Variants in PSG11 observed in about 807,000 individuals in gnomAD.
PSG11 encodes the protein pregnancy-specific beta-1-glycoprotein 11.
In PSG11, 42 loss-of-function variants were observed where a neutral mutation model predicts 36.0. That is an observed-to-expected ratio of 1.17 (90% CI 0.91 to 1.51). The LOEUF (loss-of-function observed/expected upper bound fraction) is 1.51. Among genes scored for constraint, PSG11 ranks in the 40% most tolerant of loss-of-function variants. PSG11 has a pLI of 0.00. For missense variants in PSG11, 558 were observed against 403.5 expected, an observed-to-expected ratio of 1.38 and a Z score of -3.28; for synonymous variants, 206 against 153.5, an observed-to-expected ratio of 1.34 and a Z score of -2.53.
rs185878952 is a variant in PSG11, at chr19:43,018,252, C to T, written c.709+518G>A. ...TTGTGCTGATTGCTGGAACTTCCCA[C>T]CAATCAGCCAAGAATGCTCTGCCAG... On this transcript the variant is annotated intron_variant, in intron 3 of 5. Transcript: ENST00000320078. 4.1e-4 allele frequency: 74 copies of T among 180,436 alleles called. 7 individuals carry two copies. In the East Asian group the frequency reaches 8.8e-3, roughly 21 times the overall value. The allele number at this position is 180,436 out of a possible 1,614,324, so 11.2% of individuals were successfully genotyped here.
chr19:43,024,843 G>C lies in PSG11; in HGVS notation c.278C>G (p.Pro93Arg). ...TACTGTTTCTCGTCCACTGTATGCC[G>C]GTCCATATATAATTATTTGACCGTC... ...VVDGQIIIYGPAYSGRETVYS... is the reference protein window; with the variant it reads ...VVDGQIIIYGRAYSGRETVYS... The change falls in exon 2 of 6, where the codon CCG (proline) becomes CGG (arginine). Residue 93 changes from proline (P) to arginine (R), a missense_variant. Coordinates refer to ENST00000320078, the MANE Select transcript of PSG11 (RefSeq NM_002785.3). 1.9e-6 allele frequency: 3 copies of C among 1,611,848 alleles called. No individual in the cohort carries two copies. Among genetic ancestry groups the C allele is most frequent in the Non-Finnish European group, 2.5e-6 (3 of 1,179,102 alleles).
rs769055942 is a variant in PSG11 at position 43,009,961 on chromosome 19, C to A, written c.*37G>T. On this transcript the variant is annotated 3_prime_UTR_variant, in exon 5 of 6. Transcript: ENST00000320078. Reference sequence around the variant, plus strand: ...ATAAGAGAAAAGGTCATCATACCTGCCAGTCTTCCTGAAATACAAAAATGA... The same window carrying A: ...ATAAGAGAAAAGGTCATCATACCTGACAGTCTTCCTGAAATACAAAAATGA... The A allele has an allele frequency of 3.2e-6, 5 of 1,581,606 alleles. No individual in the cohort carries two copies. Among genetic ancestry groups the A allele is most frequent in the Non-Finnish European group, 4.3e-6 (5 of 1,152,018 alleles).
chr19:43,010,417 A>G (rs1974043923), intron 4 of PSG11: 5 of 1,529,732 alleles, frequency 3.3e-6, no homozygotes, highest in Admixed American at 1.9e-5. Flanking sequence ...TCAGATCTCC[A>G]TGGCAGGGAC....
chr19:43,010,346 CT>C, intron 4 of PSG11: 1 of 1,524,480 alleles, frequency 6.6e-7, no homozygotes, highest in Admixed American at 2.2e-5. Flanking sequence ...ACCTTTGCAC[CT>C]TTTCATGGTT....
intron 5 of PSG11, among the ~76,000 whole-genome samples, chr19:43,009,062 T>A (rs564669801): frequency 6.6e-6 from 1 of 151,378 alleles, no homozygotes; most frequent in Non-Finnish European, 1.5e-5. Context: ...ATTCAATTTT[T>A]TCTATTTTGG....
At position 43,010,303 on chromosome 19, in the gene PSG11, T is replaced by G. The variant is rs559922958; in HGVS notation, c.965-262A>C. ...GAAGGCTTTCAGACGTGAGAAAGGC[T>G]GATTGCTATTTTCTATGTCATTGGA... On this transcript the variant is annotated intron_variant, in intron 4 of 5. Transcript: ENST00000320078. The G allele has an allele frequency of 8.1e-5, 121 of 1,497,598 alleles. 5 individuals are homozygous for G. The African/African-American group carries it at 1.6e-3, about 20-fold the overall frequency. The allele number at this position is 1,497,598 out of a possible 1,614,324, so 92.8% of individuals were successfully genotyped here. A position where few individuals can be genotyped will look rare whatever the true frequency, so the allele number is the denominator to read the frequency against.
rs1227682460 is a variant in PSG11, at chr19:43,009,685, TGAA to T, written c.*40+270_*40+272del. ...CACTATTGAGATATGTTAAAAATAA[TGAA>T]GAAGGTTTCACCATGTGAAATTGTG... On this transcript the variant is annotated intron_variant, in intron 5 of 5. Transcript: ENST00000320078. Among the ~76,000 whole-genome samples, 4 of 151,292 alleles carry T rather than the reference TGAA, an allele frequency of 2.6e-5. 1 individual carries two copies. The highest frequency in any genetic ancestry group is 3.9e-4 in the East Asian group (2 of 5,176).
In PSG11 at chr19:43,012,991, T is replaced by C. The variant is rs146850286; in HGVS notation, c.964+2125A>G. On this transcript the variant is annotated intron_variant, in intron 4 of 5. Coordinates refer to ENST00000320078, the MANE Select transcript of PSG11 (RefSeq NM_002785.3). Reference sequence around the variant, plus strand: ...AGAAATGCTTGCATATATGGCCAAATGATTTTCATCGAGTGTGCCAAGATC... The same window carrying C: ...AGAAATGCTTGCATATATGGCCAAACGATTTTCATCGAGTGTGCCAAGATC... Among the ~76,000 whole-genome samples, 118 of 151,538 alleles carry C rather than the reference T, an allele frequency of 7.8e-4. 3 individuals carry two copies. The highest frequency in any genetic ancestry group is 2.7e-3 in the African/African-American group (110 of 41,162).
chr19:43,009,961 C>G lies in PSG11; in HGVS notation c.*37G>C, dbSNP rs769055942. On this transcript the variant is annotated 3_prime_UTR_variant, in exon 5 of 6. Coordinates refer to ENST00000320078, the MANE Select transcript of PSG11 (RefSeq NM_002785.3). Reference sequence around the variant, plus strand: ...ATAAGAGAAAAGGTCATCATACCTGCCAGTCTTCCTGAAATACAAAAATGA... The same window carrying G: ...ATAAGAGAAAAGGTCATCATACCTGGCAGTCTTCCTGAAATACAAAAATGA... 1.9e-6 allele frequency: 3 copies of G among 1,581,724 alleles called. No homozygotes were observed. The highest frequency in any genetic ancestry group is 8.7e-7 in the Non-Finnish European group (1 of 1,152,010).
At chr19:43,010,472 C>T in intron 4 of PSG11, 1 of 1,151,164 alleles carries the variant, frequency 8.7e-7, no homozygotes, top group South Asian at 1.5e-5. Flanking sequence ...AATTCACCAC[C>T]TCCTTTGCAC....
At chr19:43,024,401 A>C (rs1258830673) in intron 2 of PSG11, 1 of 526,912 alleles carries the variant, frequency 1.9e-6, no homozygotes, top group East Asian at 3.6e-5. Flanking sequence ...GGTCAAATTT[A>C]TGAAGAGGGC....
rs769729872 is a variant in PSG11 at position 43,015,110 on chromosome 19, A to G, written c.964+6T>C. On this transcript the variant is annotated splice_donor_region_variant and intron_variant, in intron 4 of 5. Coordinates refer to ENST00000320078, the MANE Select transcript of PSG11 (RefSeq NM_002785.3). Reference sequence around the variant, plus strand: ...CCTATTGCCAAGGATGCTGGGATCCACTTACCAATGACTCTGATTGTCAAG... The same window carrying G: ...CCTATTGCCAAGGATGCTGGGATCCGCTTACCAATGACTCTGATTGTCAAG... 6.2e-7 allele frequency: 1 copy of G among 1,611,894 alleles called. No homozygotes were observed. Among genetic ancestry groups the G allele is most frequent in the Admixed American group, 1.7e-5 (1 of 59,902 alleles).
At chr19:43,011,899 C>G (rs542138803) in intron 4 of PSG11, among the ~76,000 whole-genome samples, 5 of 134,362 alleles carry the variant, frequency 3.7e-5, no homozygotes, top group South Asian at 5.0e-4. Context: ...CTGTCTCTCT[C>G]TCTTAAAAAA....
Position 43,026,450 on chromosome 19 carries a change from G to A in PSG11, c.-78C>T. 6.4e-7 allele frequency: 1 copy of A among 1,563,292 alleles called. No homozygotes were observed. The highest frequency in any genetic ancestry group is 8.7e-7 in the Non-Finnish European group (1 of 1,147,028). ...AGCTTCCAGAGCACGGCTGTCAGCTGTGCTGTCCTTCCTCCTTCTGCGCTG... is the reference window on the plus strand; with the variant it reads ...AGCTTCCAGAGCACGGCTGTCAGCTATGCTGTCCTTCCTCCTTCTGCGCTG... On this transcript the variant is annotated 5_prime_UTR_variant, in exon 1 of 6. Coordinates refer to ENST00000320078, the MANE Select transcript of PSG11 (RefSeq NM_002785.3).
intron 2 of PSG11, among the ~76,000 whole-genome samples, chr19:43,024,186 C>T (rs897484748): frequency 1.3e-4 from 19 of 151,364 alleles, no homozygotes; most frequent in African/African-American, 4.1e-4. Flanking sequence ...AGACACAGTC[C>T]TCAGACAGCT....
intron 3 of PSG11, among the ~76,000 whole-genome samples, chr19:43,016,239 T>G (rs1199644378): frequency 2.0e-5 from 3 of 151,314 alleles, no homozygotes; most frequent in African/African-American, 2.4e-5. Flanking sequence ...CTGCTTCATC[T>G]TAGGAAAGCA....
intron 4 of PSG11, chr19:43,014,341 G>T: frequency 1.1e-6 from 1 of 913,894 alleles, no homozygotes; most frequent in Non-Finnish European, 1.3e-6. Flanking sequence ...CCCCAGGGGT[G>T]AATCTTCCTA....
At chr19:43,023,117 C>A (rs374093962) in intron 2 of PSG11, among the ~76,000 whole-genome samples, 8 of 150,578 alleles carry the variant, frequency 5.3e-5, no homozygotes, top group African/African-American at 2.0e-4. Context: ...GCCCCGAGAA[C>A]CCTCTGGTGG....
chr19:43,020,852 G>A (rs1967085746), intron 2 of PSG11, among the ~76,000 whole-genome samples: 1 of 151,292 alleles, frequency 6.6e-6, no homozygotes, highest in African/African-American at 2.4e-5. Context: ...GAAAAATGGG[G>A]AGGACCCCAA....
Sources: allele counts gnomAD v4.1 joint callset (sites outside exome capture counted in the v4.1 genomes callset), GRCh38; gene constraint gnomAD v4.1.1; transcripts MANE v1.5; gene names NCBI Gene and HGNC (gene_info 2026-07-23, HGNC 2026-07-21).